The following ENO4 variants were observed in gnomAD, a reference collection of about 807,000 sequenced individuals.
ENO4 encodes the protein 2-phospho-D-glycerate hydro-lyase.
Under a neutral mutation model 63.2 loss-of-function variants are expected in ENO4, and 53 were observed. The ratio of observed to expected loss-of-function variants is 0.84; its 90% CI spans 0.67 to 1.05. The LOEUF (loss-of-function observed/expected upper bound fraction) is 1.05. ENO4 is among the 50% of genes least tolerant of loss of function. The pLI is 0.00. For synonymous variants in ENO4, 266 were observed against 283.8 expected, an observed-to-expected ratio of 0.94 and a Z score of 0.63; for missense variants, 719 against 772.0, an observed-to-expected ratio of 0.93 and a Z score of 0.81.
At chr10:116,903,557 T>A (rs1847835274) in intron 10 of ENO4, among the ~76,000 whole-genome samples, 1 of 152,058 alleles carries the variant, frequency 6.6e-6, no homozygotes, top group South Asian at 2.1e-4. Context: ...TCCTCCCAGC[T>A]ATGTCAAGCC....
At chr10:116,904,869 G>A (rs1471434339) in intron 10 of ENO4, among the ~76,000 whole-genome samples, 1 of 152,168 alleles carries the variant, frequency 6.6e-6, no homozygotes, top group South Asian at 2.1e-4. Flanking sequence ...AAATGTGAAC[G>A]ACAGAGCACT....
Position 116,881,751 on chromosome 10 carries a change from T to C in ENO4, c.*82T>C. On this transcript the variant is annotated 3_prime_UTR_variant, in exon 14 of 14. Coordinates refer to ENST00000341276, the MANE Select transcript of ENO4 (RefSeq NM_001242699.2). ...TGAAGTACGGCGCCGTGTCTCCACA[T>C]GGAGTTTCCTCTTCAACTTCACCAA... The C allele has an allele frequency of 9.2e-7, 1 of 1,084,570 alleles. No individual in the cohort carries two copies. The highest frequency in any genetic ancestry group is 3.1e-5 in the East Asian group (1 of 31,838). 67.2% of individuals were successfully genotyped at this position (1,084,570 alleles called of 1,614,324 possible). A position where few individuals can be genotyped will look rare whatever the true frequency, so the allele number is the denominator to read the frequency against.
intron 11 of ENO4, among the ~76,000 whole-genome samples, chr10:116,878,459 T>C (rs901855119): frequency 2.0e-5 from 3 of 152,172 alleles, no homozygotes; most frequent in Admixed American, 6.5e-5. Flanking sequence ...CCTCAAATGA[T>C]TGATTACTAC....
At chr10:116,910,977 G>A (rs1848167767) in intron 10 of ENO4, among the ~76,000 whole-genome samples, 1 of 152,240 alleles carries the variant, frequency 6.6e-6, no homozygotes. Flanking sequence ...TTATGTGGAT[G>A]TCTACATGCA....
chr10:116,889,817 C>CT (rs1847280103), intron 10 of ENO4, among the ~76,000 whole-genome samples: 1 of 152,186 alleles, frequency 6.6e-6, no homozygotes, highest in Non-Finnish European at 1.5e-5. Context: ...TAAATAAAGT[C>CT]TATCCCTTCA....
At chr10:116,911,467 A>G (rs1848190602) in intron 10 of ENO4, 1 of 1,547,458 alleles carries the variant, frequency 6.5e-7, no homozygotes, top group Non-Finnish European at 8.7e-7. Context: ...TCTGTTTTTC[A>G]TCAACATGTA....
intron 11 of ENO4, among the ~76,000 whole-genome samples, chr10:116,877,785 C>T (rs1193300079): frequency 6.6e-6 from 1 of 152,116 alleles, no homozygotes; most frequent in African/African-American, 2.4e-5. Context: ...CAGGCATTTG[C>T]GAATTGGACA....
Position 116,849,653 on chromosome 10 carries a change from G to A in ENO4, c.87G>A (p.Glu29=), listed in dbSNP as rs960704922. ...LKQQAMEYYR[E]NDVPRRLEEL... is the part of the protein sequence containing the mutation. ...AGCAGGCGATGGAGTACTACCGGGA[G>A]AACGACGTTCCGCGCAGGCTGGAAG... Residue 29 remains glutamate (E), a synonymous_variant, in exon 1 of 14, where the codon GAG becomes GAA. Coordinates refer to ENST00000341276, the MANE Select transcript of ENO4 (RefSeq NM_001242699.2). The A allele has an allele frequency of 2.6e-6, 4 of 1,550,262 alleles. No individual in the cohort carries two copies. The highest frequency in any genetic ancestry group is 2.6e-6 in the Non-Finnish European group (3 of 1,146,814).
chr10:116,904,348 T>C (rs1401346837), intron 10 of ENO4, among the ~76,000 whole-genome samples: 1 of 152,190 alleles, frequency 6.6e-6, no homozygotes. Flanking sequence ...AAGCCACCTC[T>C]AGTTTGATAA....
chr10:116,853,021 C>G (rs541206521), intron 1 of ENO4, among the ~76,000 whole-genome samples: 1 of 152,078 alleles, frequency 6.6e-6, no homozygotes, highest in Non-Finnish European at 1.5e-5. Context: ...AATGGCCGGG[C>G]GCGGTGGCTC....
chr10:116,872,142 A>G (rs1409732394), intron 9 of ENO4, among the ~76,000 whole-genome samples: 1 of 152,234 alleles, frequency 6.6e-6, no homozygotes, highest in Non-Finnish European at 1.5e-5. Context: ...GGTTGCAGTG[A>G]GCCAAGATCG....
intron 7 of ENO4, 35 bp downstream of exon 7, chr10:116,862,887 A>T (rs1320002892): frequency 7.6e-7 from 1 of 1,324,448 alleles, no homozygotes; most frequent in Admixed American, 2.0e-5. Context: ...CTAGTTACTG[A>T]CACTTAGACA....
intron 10 of ENO4, among the ~76,000 whole-genome samples, chr10:116,902,956 T>C (rs899727119): frequency 9.2e-5 from 14 of 152,314 alleles, no homozygotes; most frequent in Non-Finnish European, 1.5e-4. Context: ...AATGCTATTC[T>C]TCCATTTGGA....
chr10:116,896,821 T>C (rs1847537600), intron 10 of ENO4, among the ~76,000 whole-genome samples: 1 of 150,816 alleles, frequency 6.6e-6, no homozygotes, highest in African/African-American at 2.4e-5. Flanking sequence ...TTTTTTTTTT[T>C]TGAGTTAAGA....
downstream of ENO4, chr10:116,884,075 CAGAA>C (rs1205217939): frequency 8.4e-6 from 3 of 355,984 alleles, no homozygotes; most frequent in Non-Finnish European, 1.7e-5. Context: ...CTTTCCCAAA[CAGAA>C]GGAAGCATAA....
At position 116,881,960 on chromosome 10, in the gene ENO4, G is replaced by A; in HGVS notation, c.*291G>A. On this transcript the variant is annotated 3_prime_UTR_variant, in exon 14 of 14. Transcript: ENST00000341276. ...AGTAAAAGAGGCCAATATTTTTGTTGCCAACTCCACACTCAGTCAAACACC... is the reference window on the plus strand; with the variant it reads ...AGTAAAAGAGGCCAATATTTTTGTTACCAACTCCACACTCAGTCAAACACC... 3.8e-6 allele frequency: 1 copy of A among 263,774 alleles called. No homozygotes were observed. The highest frequency in any genetic ancestry group is 7.0e-5 in the East Asian group (1 of 14,244). 16.3% of individuals were successfully genotyped at this position (263,774 alleles called of 1,614,324 possible).
At position 116,900,543 on chromosome 10, in the gene ENO4, G is replaced by T. The variant is rs754239633; in HGVS notation, c.1195-10956G>T. On this transcript the variant is annotated intron_variant, in intron 10 of 10. Coordinates refer to the ENO4 transcript ENST00000369207. ...CAGTATTTTCTGATTCAGATTATCT[G>T]TGTAAAATGGTAAAGGAGAAAAATC... is the stretch of plus-strand genomic sequence containing the variant. The T allele has an allele frequency of 1.4e-5, 22 of 1,534,000 alleles. No homozygotes were observed. In the South Asian group the frequency reaches 1.7e-4, roughly 12 times the overall value.
In ENO4 at chr10:116,876,199, C is replaced by T; in HGVS notation, c.1476C>T (p.Ile492=). Residue 492 remains isoleucine, a synonymous_variant, in exon 11 of 14, where the codon ATC becomes ATT. Transcript: ENST00000341276. The stretch of plus-strand genomic sequence containing the variant: ...GCATCCCCAAATCCAATGGGCTGAT[C>T]ATAAAACACACAAACCAAACTACAA... The part of the protein sequence containing the change: ...NISIPKSNGL[I]IKHTNQTTMS... 6.5e-7 allele frequency: 1 copy of T among 1,550,352 alleles called. No homozygotes were observed. Among genetic ancestry groups the T allele is most frequent in the South Asian group, 1.2e-5 (1 of 83,972 alleles).
At chr10:116,867,319 A>T (rs1242470265) in intron 7 of ENO4, among the ~76,000 whole-genome samples, 1 of 151,872 alleles carries the variant, frequency 6.6e-6, no homozygotes, top group East Asian at 1.9e-4. Flanking sequence ...AAATCCACTT[A>T]GTCTGAGAAC....
Sources: gnomAD v4.1 joint callset for allele counts (sites outside exome capture counted in the v4.1 genomes callset) on GRCh38, gnomAD v4.1.1 for gene constraint, MANE v1.5 for transcripts, NCBI Gene and HGNC (gene_info 2026-07-23, HGNC 2026-07-21) for gene names.